PBX1: variants seen among roughly 807,000 people sequenced by gnomAD.
PBX1 encodes pre-B-cell leukemia transcription factor 1.
In PBX1, 6 loss-of-function variants were observed where a neutral mutation model predicts 53.4. That is an observed-to-expected ratio of 0.11 (90% CI 0.06 to 0.22). PBX1 has a LOEUF of 0.22. Ranked by LOEUF, PBX1 falls within the 10% of genes least tolerant of loss-of-function variation. The pLI is 1.00. For synonymous variants in PBX1, 204 were observed against 212.3 expected, an observed-to-expected ratio of 0.96 and a Z score of 0.34; for missense variants, 251 against 551.4, an observed-to-expected ratio of 0.46 and a Z score of 5.46.
At chr1:164,679,640 T>G (rs1287372770) in intron 2 of PBX1, among the ~76,000 whole-genome samples, 2 of 152,142 alleles carry the variant, frequency 1.3e-5, no homozygotes, top group African/African-American at 2.4e-5. Context: ...CTGTATTGAA[T>G]CTTAAGAAAA....
At chr1:164,623,965 T>C (rs1016020999) in intron 2 of PBX1, among the ~76,000 whole-genome samples, 1 of 152,152 alleles carries the variant, frequency 6.6e-6, no homozygotes, top group Admixed American at 6.5e-5. Flanking sequence ...TGAGAATGGA[T>C]GAGTGGAAAT....
intron 2 of PBX1, among the ~76,000 whole-genome samples, chr1:164,790,901 G>T (rs577016531): frequency 4.0e-4 from 61 of 152,222 alleles, no homozygotes; most frequent in Middle Eastern, 3.4e-3. Context: ...CTTTGCCAGG[G>T]CTGGGAGACA....
intron 2 of PBX1, among the ~76,000 whole-genome samples, chr1:164,874,949 A>G (rs1490770691): frequency 3.3e-5 from 5 of 152,212 alleles, no homozygotes; most frequent in African/African-American, 1.2e-4. Context: ...ACCTTCCTCC[A>G]CTGCAAAACC....
chr1:164,633,418 A>T (rs1203539829), intron 2 of PBX1, among the ~76,000 whole-genome samples: 1 of 152,170 alleles, frequency 6.6e-6, no homozygotes, highest in Non-Finnish European at 1.5e-5. Context: ...CCAAAGTGCT[A>T]GGATTACAGG....
chr1:164,846,476 G>T (rs547053726), intron 8 of PBX1, 108 bp from the exon 9 acceptor site: 149 of 890,456 alleles, frequency 1.7e-4, no homozygotes, highest in African/African-American at 1.7e-3. Context: ...GTCTCCATGT[G>T]CCAGGCACTA....
chr1:164,604,267 A>G (rs775393814), intron 2 of PBX1, among the ~76,000 whole-genome samples: 6 of 152,152 alleles, frequency 3.9e-5, no homozygotes, highest in Non-Finnish European at 8.8e-5. Flanking sequence ...TGCCACTTCC[A>G]TTTTAGAAAT....
chr1:164,698,615 T>G (rs1306808814), intron 2 of PBX1, among the ~76,000 whole-genome samples: 2 of 152,188 alleles, frequency 1.3e-5, no homozygotes, highest in African/African-American at 4.8e-5. Context: ...GATATCTGTG[T>G]AGCCAAACTA....
intron 2 of PBX1, chr1:164,682,491 C>T (rs1286593786): frequency 6.6e-6 from 1 of 152,106 alleles, no homozygotes; most frequent in Non-Finnish European, 1.5e-5. Context: ...ACCAAACCTC[C>T]TGACCTCAAG....
At chr1:164,628,163 A>G (rs949920488) in intron 2 of PBX1, among the ~76,000 whole-genome samples, 6 of 152,176 alleles carry the variant, frequency 3.9e-5, no homozygotes. Flanking sequence ...ACTTTACAAA[A>G]AAGTTTTAAA....
intron 2 of PBX1, among the ~76,000 whole-genome samples, chr1:164,665,773 C>T (rs1410228423): frequency 6.6e-6 from 1 of 152,184 alleles, no homozygotes; most frequent in Admixed American, 6.5e-5. Context: ...GCTTCCACCC[C>T]TAAACAACTA....
chr1:164,842,052 G>A lies in PBX1; in HGVS notation c.1201-4532G>A, dbSNP rs78727696. Among the ~76,000 whole-genome samples the A allele has an allele frequency of 8.5e-3, 1,300 of 152,266 alleles. 18 individuals are homozygous for A. The highest frequency in any genetic ancestry group is 0.03 in the African/African-American group (1,261 of 41,558). ...AGGTGATGAATTCTCTGCATCAACCGTGTGCTGCTAAGGTAATCGCAGAGG... is the reference window on the plus strand; with the variant it reads ...AGGTGATGAATTCTCTGCATCAACCATGTGCTGCTAAGGTAATCGCAGAGG... On this transcript the variant is annotated intron_variant, in intron 8 of 8. Transcript: ENST00000420696.
chr1:164,766,882 C>T lies in PBX1; in HGVS notation c.266-25612C>T, dbSNP rs180999409. Among the ~76,000 whole-genome samples the T allele has an allele frequency of 4.1e-3, 623 of 151,980 alleles. 3 individuals are homozygous for T. Among genetic ancestry groups the T allele is most frequent in the African/African-American group, 0.014 (600 of 41,468 alleles). On this transcript the variant is annotated intron_variant, in intron 2 of 8. Transcript: ENST00000420696. Reference sequence around the variant, plus strand: ...AGCTGGGATTACAGGCACGCACCACCATATCCAGCTAATCTTTTTGTATTT... The same window carrying T: ...AGCTGGGATTACAGGCACGCACCACTATATCCAGCTAATCTTTTTGTATTT...
chr1:164,649,896 T>TG lies in PBX1; in HGVS notation c.265+86590dup, dbSNP rs1371320488. Among the ~76,000 whole-genome samples, 6 of 152,212 alleles carry TG rather than the reference T, an allele frequency of 3.9e-5. No homozygotes were observed. In the East Asian group the frequency reaches 1.2e-3, roughly 29 times the overall value. On this transcript the variant is annotated intron_variant, in intron 2 of 8. Coordinates refer to ENST00000420696, the MANE Select transcript of PBX1 (RefSeq NM_002585.4). ...CTTCTCATAATAACATTGCCAGCTT[T>TG]GGGGGTTCTTTGAAAACTTTGCTTG...
intron 2 of PBX1, among the ~76,000 whole-genome samples, chr1:164,748,504 C>CT (rs1406924920): frequency 6.6e-6 from 1 of 152,122 alleles, no homozygotes; most frequent in Non-Finnish European, 1.5e-5. Flanking sequence ...TCTGTGATCT[C>CT]TATCATCTAA....
chr1:164,678,110 T>C (rs1661544264), intron 2 of PBX1, among the ~76,000 whole-genome samples: 1 of 152,162 alleles, frequency 6.6e-6, no homozygotes, highest in African/African-American at 2.4e-5. Flanking sequence ...TTGTGGGTTC[T>C]TGAACAGAGG....
chr1:164,670,295 C>G (rs1425483525), intron 2 of PBX1, among the ~76,000 whole-genome samples: 1 of 152,172 alleles, frequency 6.6e-6, no homozygotes, highest in Non-Finnish European at 1.5e-5. Flanking sequence ...TGGGGAGGAA[C>G]CTGGAGGCCA....
chr1:164,834,486 G>A (rs756326348), intron 8 of PBX1, among the ~76,000 whole-genome samples: 1 of 151,884 alleles, frequency 6.6e-6, no homozygotes, highest in African/African-American at 2.4e-5. Context: ...TGGGATTACA[G>A]GCATGCCCCA....
chr1:164,613,483 A>T (rs542200045), intron 2 of PBX1, among the ~76,000 whole-genome samples: 124 of 152,192 alleles, frequency 8.1e-4, no homozygotes, highest in African/African-American at 2.7e-3. Flanking sequence ...AAGTATCAGG[A>T]TTGCCGTAAA....
chr1:164,864,813 A>G (rs937113958), intron 2 of PBX1, among the ~76,000 whole-genome samples: 1 of 152,202 alleles, frequency 6.6e-6, no homozygotes, highest in African/African-American at 2.4e-5. Flanking sequence ...CCTGCATGCA[A>G]AAGATCATCC....
Sources: allele counts gnomAD v4.1 joint callset (sites outside exome capture counted in the v4.1 genomes callset), GRCh38; gene constraint gnomAD v4.1.1; transcripts MANE v1.5; gene names NCBI Gene and HGNC (gene_info 2026-07-23, HGNC 2026-07-21).